The following CHID1 variants were observed in gnomAD, a reference collection of about 807,000 sequenced individuals.
CHID1 encodes chitinase domain containing 1, also known as chitinase domain-containing protein 1.
Under a neutral mutation model 55.4 loss-of-function variants are expected in CHID1, and 44 were observed. That is an observed-to-expected ratio of 0.79 (90% CI 0.62 to 1.02). The LOEUF is 1.02. Among genes scored for constraint, CHID1 ranks in the 50% least tolerant of loss-of-function variants. The pLI, the probability that CHID1 is intolerant of heterozygous loss-of-function variation, is 0.00. For synonymous variants in CHID1, 216 were observed against 212.9 expected (o/e 1.01, Z -0.13); for missense variants, 491 against 515.3 (o/e 0.95, Z 0.46).
At chr11:870,628 G>A (rs1849112028) in intron 10 of CHID1, 129 bp from the exon 11 acceptor site, 1 of 669,286 alleles carries the variant, frequency 1.5e-6, no homozygotes, top group Admixed American at 2.4e-5. Flanking sequence ...CAGTGGTCTG[G>A]GGGACAACAC....
chr11:891,792 C>A (rs2134236579), intron 8 of CHID1, among the ~76,000 whole-genome samples: 1 of 152,188 alleles, frequency 6.6e-6, no homozygotes, highest in East Asian at 1.9e-4. Flanking sequence ...CCTGCCAGCC[C>A]CCTTCAAACC....
At chr11:895,464 C>T (rs529980689) in intron 7 of CHID1, among the ~76,000 whole-genome samples, 1 of 152,164 alleles carries the variant, frequency 6.6e-6, no homozygotes, top group Non-Finnish European at 1.5e-5. Flanking sequence ...TGAGCTGCAG[C>T]TACAGTGCTG....
chr11:904,957 G>A lies in CHID1; in HGVS notation c.-43-98C>T, dbSNP rs1852100834. The A allele has an allele frequency of 3.8e-6, 5 of 1,319,120 alleles. No individual in the cohort carries two copies. In the Admixed American group the frequency reaches 8.0e-5, roughly 21 times the overall value. 81.7% of individuals were successfully genotyped at this position (1,319,120 alleles called of 1,614,324 possible). A position where few individuals can be genotyped will look rare whatever the true frequency, so the allele number is the denominator to read the frequency against. ...GGGCCACTTTCTCCTAATAGGGCCT[G>A]GGTCCTCATGGCACTGGATGGACCC... is the stretch of plus-strand genomic sequence containing the variant. On this transcript the variant is annotated intron_variant, in intron 1 of 12. Transcript: ENST00000323578.
chr11:907,352 G>C (rs933295073), intron 1 of CHID1, among the ~76,000 whole-genome samples: 1 of 152,114 alleles, frequency 6.6e-6, no homozygotes, highest in Non-Finnish European at 1.5e-5. Context: ...ATGGTGGCAG[G>C]CGCCTGTAGT....
At chr11:910,110 C>A (rs1196194790) in intron 1 of CHID1, among the ~76,000 whole-genome samples, 1 of 152,032 alleles carries the variant, frequency 6.6e-6, no homozygotes, top group Non-Finnish European at 1.5e-5. Flanking sequence ...CCTGTAGTCC[C>A]AAGTAGCTAG....
chr11:870,054 G>A (rs1280753343), intron 12 of CHID1, 67 bp downstream of exon 12: 3 of 1,608,808 alleles, frequency 1.9e-6, no homozygotes, highest in South Asian at 2.2e-5. Context: ...TGGACCCCAG[G>A]CCAGTGCCTG....
At chr11:910,523 T>G in intron 1 of CHID1, 373 of 667,156 alleles carry the variant, frequency 5.6e-4, no homozygotes, top group Middle Eastern at 6.8e-4. Context: ...CGCGCCCCCG[T>G]CCACACTCGC....
At chr11:898,164 A>T (rs570002864) in intron 7 of CHID1, among the ~76,000 whole-genome samples, 1 of 152,094 alleles carries the variant, frequency 6.6e-6, no homozygotes, top group African/African-American at 2.4e-5. Flanking sequence ...CTGCCTCAAC[A>T]ATGTCCCTTC....
intron 6 of CHID1, 71 bp from the exon 7 acceptor site, chr11:899,472 G>A (rs186265235): frequency 1.1e-5 from 15 of 1,391,528 alleles, no homozygotes; most frequent in East Asian, 7.4e-5. Flanking sequence ...CAAGAAGCCC[G>A]CCACCTCGGC....
chr11:869,839 C>G lies in CHID1; in HGVS notation c.*19G>C, dbSNP rs556360418. ...GGCTTAGAAAAGAACACGTCCACCG[C>G]GGAGGCCGCAATGCCCACCTAGAGC... On this transcript the variant is annotated 3_prime_UTR_variant, in exon 13 of 13. Transcript: ENST00000323578. 6.2e-7 allele frequency: 1 copy of G among 1,605,914 alleles called. No homozygotes were observed. Among genetic ancestry groups the G allele is most frequent in the Non-Finnish European group, 8.5e-7 (1 of 1,173,462 alleles).
intron 10 of CHID1, among the ~76,000 whole-genome samples, chr11:872,369 G>C (rs1849237253): frequency 6.6e-6 from 1 of 152,202 alleles, no homozygotes; most frequent in Admixed American, 6.5e-5. Context: ...TGTTAGTCAT[G>C]CTGGTCTTGA....
intron 8 of CHID1, among the ~76,000 whole-genome samples, chr11:886,368 A>G (rs1850396548): frequency 6.6e-6 from 1 of 151,570 alleles, no homozygotes; most frequent in African/African-American, 2.4e-5. Context: ...CTGAGGTGGG[A>G]GGATGGCTTG....
chr11:905,555 A>T (rs1032292335), intron 1 of CHID1, among the ~76,000 whole-genome samples: 1 of 152,110 alleles, frequency 6.6e-6, no homozygotes, highest in African/African-American at 2.4e-5. Flanking sequence ...CTGCAGTCCC[A>T]GCTACTCGGG....
At chr11:905,890 A>G (rs1852177766) in intron 1 of CHID1, among the ~76,000 whole-genome samples, 1 of 152,238 alleles carries the variant, frequency 6.6e-6, no homozygotes, top group Non-Finnish European at 1.5e-5. Context: ...TTCAGGAAAT[A>G]AAGAAGGAAA....
intron 8 of CHID1, among the ~76,000 whole-genome samples, chr11:884,651 G>C (rs1015772435): frequency 2.0e-5 from 3 of 152,178 alleles, no homozygotes; most frequent in Non-Finnish European, 2.9e-5. Context: ...GCCCAGCCAG[G>C]CTGTCCAAAG....
At chr11:914,417 G>A (rs973257125), upstream of CHID1, 2 of 785,256 alleles carry the variant, frequency 2.5e-6, no homozygotes, top group South Asian at 1.5e-5. Context: ...GTGGGCATGG[G>A]GGGGACAGAG....
intron 1 of CHID1, among the ~76,000 whole-genome samples, chr11:906,385 C>T (rs942035721): frequency 6.6e-6 from 1 of 151,980 alleles, no homozygotes; most frequent in Admixed American, 6.6e-5. Flanking sequence ...ATTATAGGCG[C>T]GTGCCACCAC....
Position 883,205 on chromosome 11 carries a change from A to C in CHID1, c.902T>G (p.Phe301Cys). ...WRSKILLGLN[F>C]YGMDYATSKD... Reference sequence around the variant, plus strand: ...GGAGGTCGCGTAGTCCATACCATAGAAGTTGAGCCCCAGGAGGATTTTGCT... The same window carrying C: ...GGAGGTCGCGTAGTCCATACCATAGCAGTTGAGCCCCAGGAGGATTTTGCT... Residue 301 changes from phenylalanine to cysteine, a missense_variant, in exon 10 of 13, where the codon TTC (phenylalanine) becomes TGC (cysteine). Physicochemically the swap from Phe to Cys is radical, Grantham distance 205 (BLOSUM62 -2). Transcript: ENST00000323578. 1 of 1,614,146 alleles carries C rather than the reference A, an allele frequency of 6.2e-7. No individual in the cohort carries two copies. The highest frequency in any genetic ancestry group is 8.5e-7 in the Non-Finnish European group (1 of 1,180,002).
rs1851010838 is a variant in CHID1 at position 893,534 on chromosome 11, A to T, written c.609-15T>A. On this transcript the variant is annotated splice_polypyrimidine_tract_variant and intron_variant, in intron 7 of 12. Transcript: ENST00000323578. Reference sequence around the variant, plus strand: ...GGATGAGGCCCCTGCAAGAACCGAGAGATGGGGTCAGCAGTGCCTGGCACT... The same window carrying T: ...GGATGAGGCCCCTGCAAGAACCGAGTGATGGGGTCAGCAGTGCCTGGCACT... 1 of 1,541,338 alleles carries T rather than the reference A, an allele frequency of 6.5e-7. No individual in the cohort carries two copies. Among genetic ancestry groups the T allele is most frequent in the African/African-American group, 1.4e-5 (1 of 72,894 alleles).
Sources: gnomAD v4.1 joint callset for allele counts (sites outside exome capture counted in the v4.1 genomes callset) on GRCh38, gnomAD v4.1.1 for gene constraint, MANE v1.5 for transcripts, NCBI Gene and HGNC (gene_info 2026-07-23, HGNC 2026-07-21) for gene names.